TRPM8: variants seen among roughly 807,000 people sequenced by gnomAD.
The protein encoded by TRPM8 is transient receptor potential cation channel subfamily M member 8.
Under a neutral mutation model 133.7 loss-of-function variants are expected in TRPM8, and 110 were observed. The ratio of observed to expected loss-of-function variants is 0.82; its 90% CI spans 0.70 to 0.96. The LOEUF (loss-of-function observed/expected upper bound fraction) is 0.96. Ranked by LOEUF, TRPM8 falls within the 40% of genes least tolerant of loss-of-function variation. TRPM8 has a pLI of 0.00. For missense variants in TRPM8, 1,291 were observed against 1,379.5 expected (o/e 0.94, Z 1.02); for synonymous variants, 535 against 532.3 (o/e 1.01, Z -0.07).
intron 22 of TRPM8, among the ~76,000 whole-genome samples, chr2:233,997,420 T>C (rs1357696892): frequency 4.6e-5 from 7 of 152,168 alleles, no homozygotes; most frequent in Non-Finnish European, 7.4e-5. Context: ...CTGTTCCCTC[T>C]CTTTGCTCCC....
At chr2:233,960,196 G>A (rs1691396181) in intron 11 of TRPM8, among the ~76,000 whole-genome samples, 1 of 152,182 alleles carries the variant, frequency 6.6e-6, no homozygotes, top group South Asian at 2.1e-4. Context: ...GCAGACATTG[G>A]TTTGGTGGCA....
chr2:234,009,092 G>A (rs956301754), intron 24 of TRPM8, among the ~76,000 whole-genome samples: 5 of 152,102 alleles, frequency 3.3e-5, no homozygotes, highest in Non-Finnish European at 7.3e-5. Context: ...TCTTTACAGA[G>A]CTGGATTTTA....
chr2:233,927,958 C>CTT (rs1447848619), intron 2 of TRPM8, among the ~76,000 whole-genome samples: 4 of 62,378 alleles, frequency 6.4e-5, no homozygotes, highest in South Asian at 5.9e-4. Context: ...CTCTCTCTCT[C>CTT]TCTTTCTTTC....
At chr2:233,971,451 G>A (rs1024277276) in intron 17 of TRPM8, among the ~76,000 whole-genome samples, 7 of 152,256 alleles carry the variant, frequency 4.6e-5, no homozygotes, top group South Asian at 2.1e-4. Flanking sequence ...ATGACCTGGG[G>A]GAAGAGTCCT....
At chr2:233,942,928 A>G in intron 6 of TRPM8, 180 bp downstream of exon 6, 1 of 652,388 alleles carries the variant, frequency 1.5e-6, no homozygotes, top group Non-Finnish European at 2.7e-6. Context: ...TACCTAATTA[A>G]CTGCTGGGAA....
intron 6 of TRPM8, among the ~76,000 whole-genome samples, chr2:233,943,257 C>T (rs1690956857): frequency 6.6e-6 from 1 of 151,984 alleles, no homozygotes. Context: ...CTATCCCTCC[C>T]CACTCCCCCC....
Position 234,018,336 on chromosome 2 carries a change from T to A in TRPM8, c.*1080T>A, listed in dbSNP as rs1323681784. On this transcript the variant is annotated 3_prime_UTR_variant, in exon 26 of 26. Coordinates refer to ENST00000324695, the MANE Select transcript of TRPM8 (RefSeq NM_024080.5). ...CTCATTGAAGGCTATCTCCAGTTGA[T>A]CATTGGGATGAGCATCTTTGTGCAT... 6.6e-6 allele frequency: 1 copy of A among 152,060 alleles called. No homozygotes were observed. The highest frequency in any genetic ancestry group is 2.4e-5 in the African/African-American group (1 of 41,438). 9.4% of individuals were successfully genotyped at this position (152,060 alleles called of 1,614,324 possible).
chr2:233,919,601 GATCCATGTAAATACTCTTTAACGT>G (rs1167787156), intron 1 of TRPM8, among the ~76,000 whole-genome samples: 1 of 151,584 alleles, frequency 6.6e-6, no homozygotes, highest in Non-Finnish European at 1.5e-5. Context: ...TGGGGAGATG[GATCCATGTAAATACTCTTTAACGT>G]ATCCATGTAA....
rs752277237 is a variant in TRPM8, at chr2:233,970,435, G to T, written c.2355+9G>T. The T allele has an allele frequency of 1.9e-6, 3 of 1,612,940 alleles. No individual in the cohort carries two copies. Among genetic ancestry groups the T allele is most frequent in the Middle Eastern group, 1.7e-4 (1 of 5,804 alleles). On this transcript the variant is annotated intron_variant, in intron 17 of 25. Coordinates refer to ENST00000324695, the MANE Select transcript of TRPM8 (RefSeq NM_024080.5). ...GTGATGAAGTGAGACAGGTAGGGCT[G>T]CCATGACAGCAGGAACCCCCTCGCT...
Position 233,918,606 on chromosome 2 carries a change from G to A in TRPM8, c.-6+1174G>A, listed in dbSNP as rs566930430. Reference sequence around the variant, plus strand: ...AGGATACCTTGGGGTCAATGACTTCGGGAGCCTCCACTGGCTTTTGCTATT... The same window carrying A: ...AGGATACCTTGGGGTCAATGACTTCAGGAGCCTCCACTGGCTTTTGCTATT... On this transcript the variant is annotated intron_variant, in intron 1 of 25. Transcript: ENST00000324695. 5.3e-5 allele frequency among the ~76,000 whole-genome samples: 8 copies of A among 152,116 alleles called. No individual in the cohort carries two copies. The South Asian group carries it at 1.2e-3, about 24-fold the overall frequency.
In TRPM8 at chr2:233,960,924, T is replaced by C. The variant is rs772072075; in HGVS notation, c.1511T>C (p.Leu504Pro). Reference protein sequence around the residue: ...TELFSNHFSTLVYRNLQIAKN... With the variant: ...TELFSNHFSTPVYRNLQIAKN... ...CTCTTCTCCAACCACTTCAGCACGC[T>C]TGTGTACCGGAATCTGCAGATCGCC... The change falls in exon 12 of 26, where the codon CTT (leucine) becomes CCT (proline). Residue 504 changes from leucine to proline, a missense_variant. Transcript: ENST00000324695. 7 of 1,614,186 alleles carry C rather than the reference T, an allele frequency of 4.3e-6. No homozygotes were observed. Among genetic ancestry groups the C allele is most frequent in the Non-Finnish European group, 5.9e-6 (7 of 1,180,036 alleles).
chr2:233,925,489 G>A (rs1352413377), intron 1 of TRPM8, among the ~76,000 whole-genome samples: 1 of 152,196 alleles, frequency 6.6e-6, no homozygotes, highest in Non-Finnish European at 1.5e-5. Flanking sequence ...ACAGCTGGAG[G>A]GGTATGGGGA....
At chr2:233,947,258 A>G (rs1313706157) in intron 8 of TRPM8, 103 bp downstream of exon 8, 7 of 1,565,540 alleles carry the variant, frequency 4.5e-6, no homozygotes, top group East Asian at 2.3e-5. Context: ...AATTGATTTT[A>G]CTGCAGCAAG....
At chr2:233,932,348 G>C (rs962854376) in intron 3 of TRPM8, among the ~76,000 whole-genome samples, 3 of 152,212 alleles carry the variant, frequency 2.0e-5, no homozygotes, top group Non-Finnish European at 4.4e-5. Context: ...AGAGGGCCTT[G>C]CTCCTAGCAA....
At position 233,939,055 on chromosome 2, in the gene TRPM8, C is replaced by T. The variant is rs776995196; in HGVS notation, c.406C>T (p.His136Tyr). The T allele has an allele frequency of 2.5e-6, 4 of 1,614,104 alleles. No individual in the cohort carries two copies. Among genetic ancestry groups the T allele is most frequent in the African/African-American group, 1.3e-5 (1 of 74,944 alleles). The change falls in exon 5 of 26, where the codon CAC becomes TAC. Residue 136 changes from histidine (H) to tyrosine (Y), a missense_variant. His to Tyr is a moderately conservative substitution (Grantham distance 83). This residue lies in a region of TRPM8 where 963 missense variants were observed against 968.9 expected (regional missense o/e 0.99). Coordinates refer to ENST00000324695, the MANE Select transcript of TRPM8 (RefSeq NM_024080.5). The part of the protein sequence containing the change: ...AEILYELLTQ[H>Y]WHLKTPNLVI... ...AATCCTTTACGAGCTGCTGACCCAGCACTGGCACCTGAAAACACCCAACCT... is the reference window on the plus strand; with the variant it reads ...AATCCTTTACGAGCTGCTGACCCAGTACTGGCACCTGAAAACACCCAACCT...
intron 2 of TRPM8, among the ~76,000 whole-genome samples, chr2:233,928,123 C>G (rs1395458762): frequency 6.6e-6 from 1 of 151,266 alleles, no homozygotes; most frequent in Non-Finnish European, 1.5e-5. Flanking sequence ...GCTCCCGCCA[C>G]TATGCCTGGC....
At chr2:234,013,441 C>T (rs1296513429) in intron 24 of TRPM8, 1 of 152,168 alleles carries the variant, frequency 6.6e-6, no homozygotes, top group Non-Finnish European at 1.5e-5. Flanking sequence ...ATACTAGCCC[C>T]TTCTGATCCC....
intron 17 of TRPM8, 162 bp from the exon 18 acceptor site, chr2:233,980,026 G>A: frequency 3.2e-6 from 2 of 627,110 alleles, no homozygotes; most frequent in South Asian, 4.0e-5. Context: ...TCCTGGATTA[G>A]CGTGGGGCAC....
intron 22 of TRPM8, among the ~76,000 whole-genome samples, chr2:234,003,322 CAT>C (rs1417840445): frequency 1.3e-5 from 2 of 152,310 alleles, no homozygotes; most frequent in East Asian, 3.9e-4. Flanking sequence ...AACGATCACA[CAT>C]ATGTAATTGC....
Sources: allele counts gnomAD v4.1 joint callset (sites outside exome capture counted in the v4.1 genomes callset), GRCh38; gene constraint gnomAD v4.1.1; regional missense constraint gnomAD v4.1.1; transcripts MANE v1.5; gene names NCBI Gene and HGNC (gene_info 2026-07-23, HGNC 2026-07-21).